The following MST1R variants were observed in gnomAD, a reference collection of about 807,000 sequenced individuals.
MST1R encodes macrophage stimulating 1 receptor.
MST1R carries 99 observed loss-of-function variants against 117.8 expected under a neutral mutation model. The ratio of observed to expected loss-of-function variants is 0.84; its 90% confidence interval spans 0.71 to 0.99. The LOEUF is 0.99. Among genes scored for constraint, MST1R ranks in the 50% least tolerant of loss-of-function variants. MST1R has a pLI of 0.00. For synonymous variants in MST1R, 734 were observed against 765.3 expected (o/e 0.96, Z 0.68); for missense variants, 1,683 against 1,840.2 (o/e 0.91, Z 1.56).
Position 49,895,605 on chromosome 3 carries a change from T to C in MST1R, c.2963-57A>G, listed in dbSNP as rs943555178. 38 of 1,611,894 alleles carry C rather than the reference T, an allele frequency of 2.4e-5. No individual in the cohort carries two copies. The East Asian group carries it at 8.5e-4, about 36-fold the overall frequency. ...TTCCAAGCTCCTAGGGGCCGACCCC[T>C]CTGGGGAGGACTTAGATCCCTAAGT... On this transcript the variant is annotated intron_variant, in intron 12 of 19. Coordinates refer to ENST00000296474, the MANE Select transcript of MST1R (RefSeq NM_002447.4).
chr3:49,897,788 T>A, intron 5 of MST1R, 103 bp from the exon 6 acceptor site: 1 of 1,421,626 alleles, frequency 7.0e-7, no homozygotes, highest in Non-Finnish European at 9.5e-7. Flanking sequence ...GAATGGCATT[T>A]CTCCACCCAT....
intron 19 of MST1R, among the ~76,000 whole-genome samples, chr3:49,888,883 T>C (rs1367020374): frequency 6.6e-6 from 1 of 152,232 alleles, no homozygotes; most frequent in Non-Finnish European, 1.5e-5. Context: ...CCCTATGGTG[T>C]GCCACCCAGA....
rs983418076 is a variant in MST1R, at chr3:49,903,200, G to C, written c.410C>G (p.Ser137Cys). 1 of 1,606,248 alleles carries C rather than the reference G, an allele frequency of 6.2e-7. No homozygotes were observed. Among genetic ancestry groups the C allele is most frequent in the Non-Finnish European group, 8.5e-7 (1 of 1,180,004 alleles). ...CAGGAAGCAGCGGCCCTGCAGGCTG[G>C]AGCCACAACTGACCAGCGCAGGCAG... Reference protein sequence around the residue: ...PALPALVSCGSSLQGRCFLHD... With the variant: ...PALPALVSCGCSLQGRCFLHD... Residue 137 changes from serine (S) to cysteine (C), a missense_variant, in exon 1 of 20, where the codon TCC becomes TGC. Transcript: ENST00000296474.
chr3:49,891,437 G>A lies in MST1R; in HGVS notation c.3496C>T (p.His1166Tyr). ...CGGATGAACTGGAGCAGGTCACCGT[G>A]GCACATATAGGGCAGCAGCACATGG... ...LPHVLLPYMC[H>Y]GDLLQFIRSP... is the part of the protein sequence containing the mutation. The change falls in exon 16 of 20, where the codon CAC (histidine) becomes TAC (tyrosine). Residue 1166 changes from histidine to tyrosine, a missense_variant. By Grantham distance (83) the His-to-Tyr change is moderately conservative. Coordinates refer to ENST00000296474, the MANE Select transcript of MST1R (RefSeq NM_002447.4). 6.2e-7 allele frequency: 1 copy of A among 1,613,992 alleles called. No individual in the cohort carries two copies. Among genetic ancestry groups the A allele is most frequent in the Non-Finnish European group, 8.5e-7 (1 of 1,180,030 alleles).
intron 5 of MST1R, 114 bp from the exon 6 acceptor site, chr3:49,897,799 G>T: frequency 7.2e-7 from 1 of 1,382,434 alleles, no homozygotes; most frequent in Non-Finnish European, 9.8e-7. Flanking sequence ...CTCCACCCAT[G>T]CCTCCCTCCA....
At chr3:49,897,851 G>T in intron 5 of MST1R, 166 bp from the exon 6 acceptor site, 1 of 1,148,336 alleles carries the variant, frequency 8.7e-7, no homozygotes, top group Non-Finnish European at 1.2e-6. Context: ...ACCTTGGCTG[G>T]TCCATGAGTG....
chr3:49,896,683 T>A, intron 8 of MST1R, 46 bp downstream of exon 8: 1 of 1,610,280 alleles, frequency 6.2e-7, no homozygotes, highest in Non-Finnish European at 8.5e-7. Context: ...CAAAGCTGGC[T>A]CTCTCATTCC....
In MST1R at chr3:49,897,574, C is replaced by G. The variant is rs772234158; in HGVS notation, c.1992G>C (p.Pro664=). 6.2e-7 allele frequency: 1 copy of G among 1,614,112 alleles called. No individual in the cohort carries two copies. The highest frequency in any genetic ancestry group is 8.5e-7 in the Non-Finnish European group (1 of 1,180,032). ...NVSLTVTNMP[P]GKHFRVDGTS... ...TGCCGTCTACCCGGAAGTGCTTGCC[C>G]GGTGGCATGTTAGTCACGGTGAGGC... is the stretch of plus-strand genomic sequence containing the variant. The change falls in exon 6 of 20, where the codon CCG becomes CCC. Residue 664 remains proline, a synonymous_variant. Coordinates refer to ENST00000296474, the MANE Select transcript of MST1R (RefSeq NM_002447.4).
intron 2 of MST1R, 22 bp from the exon 3 acceptor site, chr3:49,899,017 C>T (rs1395728544): frequency 6.2e-7 from 1 of 1,614,154 alleles, no homozygotes; most frequent in African/African-American, 1.3e-5. Flanking sequence ...CAGATGTGAG[C>T]AAAATGGGGA....
chr3:49,900,669 G>A (rs1317616076), intron 1 of MST1R, among the ~76,000 whole-genome samples: 2 of 152,192 alleles, frequency 1.3e-5, no homozygotes, highest in East Asian at 1.9e-4. Context: ...GGCCCGAGCC[G>A]GAAGGCTGCC....
At chr3:49,890,091 C>T in intron 18 of MST1R, 31 bp from the exon 19 acceptor site, 5 of 1,555,302 alleles carry the variant, frequency 3.2e-6, no homozygotes, top group Non-Finnish European at 4.3e-6. Flanking sequence ...GGGGACTCAA[C>T]TCACCCCAAA....
intron 18 of MST1R, among the ~76,000 whole-genome samples, 193 bp from the exon 19 acceptor site, chr3:49,890,253 G>A (rs568002670): frequency 2.0e-5 from 3 of 152,132 alleles, no homozygotes; most frequent in Non-Finnish European, 4.4e-5. Context: ...ACCCAGAGTT[G>A]GGGCTGGGCA....
rs779122609 is a variant in MST1R at position 49,903,114 on chromosome 3, C to T, written c.496G>A (p.Ala166Thr). 41 of 1,605,136 alleles carry T rather than the reference C, an allele frequency of 2.6e-5. No individual in the cohort carries two copies. In the Middle Eastern group the frequency reaches 6.6e-4, roughly 26 times the overall value. Residue 166 changes from alanine (A) to threonine (T), a missense_variant, in exon 1 of 20, where the codon GCC (alanine) becomes ACC (threonine). Physicochemically the swap from Ala to Thr is moderately conservative, Grantham distance 58. Coordinates refer to ENST00000296474, the MANE Select transcript of MST1R (RefSeq NM_002447.4). ...CAGTCATCGGGCCGGTTATGGTGGG[C>T]TGAGAAGAGGCAGGCTGGCGCTGCC... ...HLAAPACLFS[A>T]HHNRPDDCPD...
chr3:49,902,001 G>C (rs2082695192), intron 1 of MST1R, among the ~76,000 whole-genome samples: 1 of 152,030 alleles, frequency 6.6e-6, no homozygotes, highest in Non-Finnish European at 1.5e-5. Flanking sequence ...TGAGGATATG[G>C]GTGGTGGACA....
intron 14 of MST1R, among the ~76,000 whole-genome samples, chr3:49,892,720 G>A (rs1365242064): frequency 6.6e-6 from 1 of 151,722 alleles, no homozygotes; most frequent in Non-Finnish European, 1.5e-5. Flanking sequence ...TTGGGATGCT[G>A]GGGCGGGAGG....
At position 49,891,678 on chromosome 3, in the gene MST1R, G is replaced by C. The variant is rs2082320422; in HGVS notation, c.3352+80C>G. On this transcript the variant is annotated intron_variant, in intron 15 of 19. Transcript: ENST00000296474. ...AAGGTCTCCTGCTCAGGGTCACTCA[G>C]TAAGGTGGGAACACAGAGAAAAAGA... is the stretch of plus-strand genomic sequence containing the variant. 10 of 1,608,434 alleles carry C rather than the reference G, an allele frequency of 6.2e-6. No homozygotes were observed. The South Asian group carries it at 1.1e-4, about 18-fold the overall frequency.
Position 49,902,703 on chromosome 3 carries a change from C to A in MST1R, c.907G>T (p.Ala303Ser), listed in dbSNP as rs1429453047. 6.2e-7 allele frequency: 1 copy of A among 1,613,432 alleles called. No homozygotes were observed. Among genetic ancestry groups the A allele is most frequent in the Non-Finnish European group, 8.5e-7 (1 of 1,180,046 alleles). Residue 303 changes from alanine to serine, a missense_variant, in exon 1 of 20, where the codon GCT (alanine) becomes TCT (serine). By Grantham distance (99) the Ala-to-Ser change is moderately conservative. Coordinates refer to ENST00000296474, the MANE Select transcript of MST1R (RefSeq NM_002447.4). Reference sequence around the variant, plus strand: ...GCCCCCCGGCGCCTGCGTTTTGGAGCAAATCTGCAGTCGAGGACCAGCTCC... The same window carrying A: ...GCCCCCCGGCGCCTGCGTTTTGGAGAAAATCTGCAGTCGAGGACCAGCTCC... ...YRELVLDCRF[A>S]PKRRRRGAPE...
At chr3:49,901,270 G>C (rs1438109609) in intron 1 of MST1R, among the ~76,000 whole-genome samples, 1 of 152,234 alleles carries the variant, frequency 6.6e-6, no homozygotes, top group East Asian at 1.9e-4. Flanking sequence ...GCATCAATAG[G>C]AGCGGAAAGG....
intron 14 of MST1R, among the ~76,000 whole-genome samples, chr3:49,893,881 A>G (rs1471353207): frequency 6.7e-6 from 1 of 149,436 alleles, no homozygotes; most frequent in Admixed American, 6.7e-5. Flanking sequence ...CCTGGGTGAA[A>G]GAGTGAGACT....
Sources: allele counts gnomAD v4.1 joint callset (sites outside exome capture counted in the v4.1 genomes callset), GRCh38; gene constraint gnomAD v4.1.1; transcripts MANE v1.5; gene names NCBI Gene and HGNC (gene_info 2026-07-23, HGNC 2026-07-21).